The following PDIA6 variants were observed in gnomAD, a reference collection of about 807,000 sequenced individuals.
The protein encoded by PDIA6 is protein disulfide-isomerase A6.
In PDIA6, 29 loss-of-function variants were observed where a neutral mutation model predicts 58.4. The observed-to-expected ratio is 0.50, with a 90% CI of 0.37 to 0.68. The LOEUF is 0.68. Among genes scored for constraint, PDIA6 ranks in the 30% least tolerant of loss-of-function variants. The pLI, the probability that PDIA6 is intolerant of heterozygous loss-of-function variation, is 0.00. For synonymous variants in PDIA6, 192 were observed against 202.6 expected (o/e 0.95, Z 0.44); for missense variants, 480 against 551.0 (o/e 0.87, Z 1.29).
intron 1 of PDIA6, among the ~76,000 whole-genome samples, chr2:10,809,081 T>C (rs1666887537): frequency 6.6e-6 from 1 of 152,192 alleles, no homozygotes; most frequent in South Asian, 2.1e-4. Context: ...AGTGCGAGGA[T>C]TACAGGCGTG....
chr2:10,795,592 T>G (rs1666234031), intron 4 of PDIA6, among the ~76,000 whole-genome samples: 1 of 152,202 alleles, frequency 6.6e-6, no homozygotes, highest in Non-Finnish European at 1.5e-5. Context: ...CTATTTCAAT[T>G]AAGCTTCTGG....
chr2:10,828,627 C>T (rs1205801449), intron 1 of PDIA6, among the ~76,000 whole-genome samples: 10 of 152,236 alleles, frequency 6.6e-5, no homozygotes, highest in Admixed American at 5.9e-4. Context: ...GCGGGGCAGG[C>T]GACACTGGGC....
chr2:10,783,958 C>CCAAGAACATTCAAG lies in PDIA6; in HGVS notation c.*286_*299dup, dbSNP rs1665562662. 1 of 237,840 alleles carries CCAAGAACATTCAAG rather than the reference C, an allele frequency of 4.2e-6. No homozygotes were observed. Among genetic ancestry groups the CCAAGAACATTCAAG allele is most frequent in the Non-Finnish European group, 8.0e-6 (1 of 124,378 alleles). The allele number at this position is 237,840 out of a possible 1,614,324, so 14.7% of individuals were successfully genotyped here. A position where few individuals can be genotyped will look rare whatever the true frequency, so the allele number is the denominator to read the frequency against. ...AAAACCCATACATAAGAAACAGCCT[C>CCAAGAACATTCAAG]CAAGAACATTCAAGCAGCAGTCAGA... On this transcript the variant is annotated 3_prime_UTR_variant, in exon 13 of 13. Coordinates refer to ENST00000272227, the MANE Select transcript of PDIA6 (RefSeq NM_005742.4).
upstream of PDIA6, among the ~76,000 whole-genome samples, chr2:10,834,720 TCCCTTCCTTCCC>T (rs1330020635): frequency 3.9e-3 from 68 of 17,288 alleles, no homozygotes; most frequent in African/African-American, 8.7e-3. Context: ...CCTCCCTCCC[TCCCTTCCTTCCC>T]TCCTTCCTTC....
intron 10 of PDIA6, among the ~76,000 whole-genome samples, chr2:10,788,065 CAAAAA>C (rs565180851): frequency 9.8e-6 from 1 of 102,172 alleles, no homozygotes; most frequent in African/African-American, 3.9e-5. Flanking sequence ...GACTCTGTCT[CAAAAA>C]AAAAAAAAAA....
chr2:10,810,000 G>T (rs944314677), intron 1 of PDIA6, among the ~76,000 whole-genome samples: 22 of 151,998 alleles, frequency 1.4e-4, no homozygotes, highest in African/African-American at 5.3e-4. Context: ...TGTTTCAAGA[G>T]AAATTCTTAT....
chr2:10,818,789 C>T (rs1030558304), intron 2 of PDIA6, among the ~76,000 whole-genome samples: 2 of 151,780 alleles, frequency 1.3e-5, no homozygotes. Flanking sequence ...TCCCAAAGTG[C>T]TGGGATTATA....
chr2:10,829,626 G>C (rs1251204400), intron 1 of PDIA6, among the ~76,000 whole-genome samples: 1 of 152,180 alleles, frequency 6.6e-6, no homozygotes, highest in Non-Finnish European at 1.5e-5. Flanking sequence ...TAAGTGGCAT[G>C]TTCTCCTCTC....
At chr2:10,837,403 T>G (rs972506767), upstream of PDIA6, 1 of 616,858 alleles carries the variant, frequency 1.6e-6, no homozygotes, top group South Asian at 1.9e-5. Flanking sequence ...TTAAAAAACA[T>G]ACGTGAGGAA....
intron 1 of PDIA6, chr2:10,821,236 C>G (rs1009934583): frequency 5.2e-6 from 1 of 193,492 alleles, no homozygotes; most frequent in Non-Finnish European, 1.1e-5. Context: ...TCACCCTCGT[C>G]TGTTGCTTCC....
At chr2:10,820,268 T>A (rs538473183) in intron 1 of PDIA6, among the ~76,000 whole-genome samples, 82 of 152,280 alleles carry the variant, frequency 5.4e-4, no homozygotes, top group African/African-American at 1.9e-3. Flanking sequence ...GTTTTATAGA[T>A]GAGTCGCTGG....
In PDIA6 at chr2:10,784,510, G is replaced by A. The variant is rs984554085; in HGVS notation, c.1255-184C>T. ...TACGGATGGAAAAGCTCAGAACTCA[G>A]GTGAAACATTTCAACATCACATCAC... On this transcript the variant is annotated intron_variant, in intron 12 of 12. Coordinates refer to ENST00000272227, the MANE Select transcript of PDIA6 (RefSeq NM_005742.4). The A allele has an allele frequency of 1.6e-5, 9 of 548,562 alleles. No homozygotes were observed. The Admixed American group carries it at 1.8e-4, about 11-fold the overall frequency. 34.0% of individuals were successfully genotyped at this position (548,562 alleles called of 1,614,324 possible).
chr2:10,794,461 AATCT>A (rs1558443357), intron 4 of PDIA6, among the ~76,000 whole-genome samples: 1 of 42,000 alleles, frequency 2.4e-5, no homozygotes, highest in Non-Finnish European at 8.2e-5. Context: ...AAAAAAAAAA[AATCT>A]TTCTTTTTTT....
rs181223401 is a variant in PDIA6, at chr2:10,827,612, C to A, written c.-48+4590G>T. On this transcript the variant is annotated intron_variant, in intron 1 of 13. Coordinates refer to the PDIA6 transcript ENST00000381611. ...GCTGAGGTGAGCAGATCACTTGAGG[C>A]CAGGAGTTCAAGACCAGCCTGGCCA... 2.5e-4 allele frequency among the ~76,000 whole-genome samples: 38 copies of A among 152,016 alleles called. No individual in the cohort carries two copies. The East Asian group carries it at 6.6e-3, about 27-fold the overall frequency.
intron 1 of PDIA6, 124 bp from the exon 2 acceptor site, chr2:10,802,764 G>A (rs1666569750): frequency 3.4e-6 from 2 of 589,786 alleles, no homozygotes; most frequent in East Asian, 3.4e-5. Context: ...CCTAGCTCTG[G>A]CCCCTCTGCC....
chr2:10,793,791 G>A (rs1666144571), intron 4 of PDIA6, among the ~76,000 whole-genome samples: 1 of 152,180 alleles, frequency 6.6e-6, no homozygotes, highest in Non-Finnish European at 1.5e-5. Flanking sequence ...TTAATATCTA[G>A]CTGAGAAAGC....
intron 2 of PDIA6, among the ~76,000 whole-genome samples, chr2:10,818,864 G>A (rs1262228471): frequency 3.9e-5 from 6 of 151,920 alleles, no homozygotes; most frequent in Non-Finnish European, 8.8e-5. Context: ...CATTAAATGC[G>A]CTCACATCGT....
chr2:10,809,645 CAAA>C (rs56308831), intron 1 of PDIA6, among the ~76,000 whole-genome samples: 6,086 of 64,066 alleles, frequency 0.095, 48 homozygotes, highest in South Asian at 0.19. Context: ...GACCCGGTCT[CAAA>C]AAAAAAAAAA....
At chr2:10,789,976 G>T in intron 7 of PDIA6, 87 bp from the exon 8 acceptor site, 5 of 1,199,544 alleles carry the variant, frequency 4.2e-6, no homozygotes, top group East Asian at 2.5e-5. Context: ...CCACCTTATA[G>T]GTAATTTTTT....
Sources: gnomAD v4.1 joint callset for allele counts (sites outside exome capture counted in the v4.1 genomes callset) on GRCh38, gnomAD v4.1.1 for gene constraint, MANE v1.5 for transcripts, NCBI Gene and HGNC (gene_info 2026-07-23, HGNC 2026-07-21) for gene names.